The following LIPJ variants were observed in gnomAD, a reference collection of about 807,000 sequenced individuals.
LIPJ encodes lipase family member J, also known as lipase member J.
A neutral mutation model predicts 39.8 loss-of-function variants in LIPJ; 33 were observed. That is an observed-to-expected ratio of 0.83 (90% CI 0.63 to 1.11). The LOEUF (loss-of-function observed/expected upper bound fraction) is 1.11. LIPJ is among the 50% of genes least tolerant of loss of function. The pLI is 0.00. For missense variants in LIPJ, 422 were observed against 427.9 expected, an observed-to-expected ratio of 0.99 and a Z score of 0.12; for synonymous variants, 128 against 139.2, an observed-to-expected ratio of 0.92 and a Z score of 0.57.
At chr10:88,614,252 T>C in the LIPJ span, among the ~76,000 whole-genome samples, 1 of 152,030 alleles carries the variant, frequency 6.6e-6, no homozygotes, top group Admixed American at 6.6e-5. Context: ...CAAAAGAAAA[T>C]ATATATTTTA....
the LIPJ span, among the ~76,000 whole-genome samples, chr10:88,615,033 C>G: frequency 5.3e-5 from 8 of 152,032 alleles, no homozygotes; most frequent in Non-Finnish European, 1.0e-4. Flanking sequence ...AGGTGAAGTG[C>G]TGATCTTAAT....
intron 1 of LIPJ, 53 bp downstream of exon 1, chr10:88,586,898 T>C (rs1448120934): frequency 2.0e-5 from 3 of 152,194 alleles, no homozygotes; most frequent in African/African-American, 7.2e-5. Flanking sequence ...CATGTGTTCA[T>C]TGGCCGTGTA....
intron 8 of LIPJ, among the ~76,000 whole-genome samples, chr10:88,600,532 T>C (rs1003616370): frequency 6.6e-6 from 1 of 152,250 alleles, no homozygotes; most frequent in African/African-American, 2.4e-5. Flanking sequence ...AAATATTTTA[T>C]TTAGCATATT....
At chr10:88,617,982 A>T in the LIPJ span, among the ~76,000 whole-genome samples, 1 of 152,188 alleles carries the variant, frequency 6.6e-6, no homozygotes, top group East Asian at 1.9e-4. Context: ...TCCCTAGATG[A>T]TCTTACACTT....
At chr10:88,620,572 A>G in the LIPJ span, among the ~76,000 whole-genome samples, 1 of 152,196 alleles carries the variant, frequency 6.6e-6, no homozygotes, top group Non-Finnish European at 1.5e-5. Context: ...ATCATTAATC[A>G]TGTGGGGAAG....
At chr10:88,601,587 C>T (rs899893307) in intron 8 of LIPJ, among the ~76,000 whole-genome samples, 14 of 152,190 alleles carry the variant, frequency 9.2e-5, no homozygotes, top group African/African-American at 2.2e-4. Flanking sequence ...GGAAAATGTC[C>T]GCAGGATGAA....
chr10:88,596,634 A>G (rs1851263247), intron 7 of LIPJ, among the ~76,000 whole-genome samples, 156 bp from the exon 8 acceptor site: 1 of 151,722 alleles, frequency 6.6e-6, no homozygotes, highest in African/African-American at 2.4e-5. Flanking sequence ...TGGCCAAACC[A>G]TCTCCACACC....
chr10:88,593,719 G>C (rs1416361551), intron 4 of LIPJ: 2 of 396,896 alleles, frequency 5.0e-6, no homozygotes, highest in South Asian at 6.4e-5. Flanking sequence ...ATTTAAGTGT[G>C]ATGTGACCTA....
At chr10:88,606,818 T>A (rs1168040139) in exon 11 of LIPJ, 2 of 1,612,318 alleles carry the variant, frequency 1.2e-6, no homozygotes, top group Non-Finnish European at 1.7e-6. Context: ...AACTATTTCT[T>A]ACTACAATCA....
At chr10:88,594,798 C>A in intron 6 of LIPJ, 22 bp downstream of exon 6, 2 of 1,101,508 alleles carry the variant, frequency 1.8e-6, no homozygotes, top group Non-Finnish European at 1.3e-6. Context: ...AAGATTATTG[C>A]TAATATCCCT....
chr10:88,610,581 A>G (rs1480209641), downstream of LIPJ, among the ~76,000 whole-genome samples: 1 of 152,162 alleles, frequency 6.6e-6, no homozygotes, highest in Non-Finnish European at 1.5e-5. Flanking sequence ...TAAAATTACA[A>G]TTGCCAAAAC....
intron 7 of LIPJ, 124 bp from the exon 8 acceptor site, chr10:88,596,666 T>C (rs945875105): frequency 2.2e-5 from 22 of 1,022,530 alleles, no homozygotes; most frequent in Non-Finnish European, 3.2e-5. Flanking sequence ...TTTTTTCCTT[T>C]ATTTAAAATT....
At chr10:88,600,080 A>G (rs1851421612) in intron 8 of LIPJ, among the ~76,000 whole-genome samples, 1 of 152,040 alleles carries the variant, frequency 6.6e-6, no homozygotes, top group African/African-American at 2.4e-5. Context: ...TCTCTTAGAA[A>G]TTATAAAATG....
At chr10:88,605,528 A>T (rs1851633300) in intron 9 of LIPJ, 105 bp from the exon 10 acceptor site, 2 of 753,588 alleles carry the variant, frequency 2.7e-6, no homozygotes, top group Admixed American at 2.2e-5. Flanking sequence ...CATAAATACC[A>T]GCAGACCCAG....
At chr10:88,608,632 ATTAAGT>A, downstream of LIPJ, among the ~76,000 whole-genome samples, 1 of 152,362 alleles carries the variant, frequency 6.6e-6, no homozygotes, top group South Asian at 2.1e-4. Flanking sequence ...GCATTGGAGA[ATTAAGT>A]TTTCTGCATT....
the LIPJ span, among the ~76,000 whole-genome samples, chr10:88,614,077 A>G: frequency 1.3e-5 from 2 of 151,516 alleles, no homozygotes; most frequent in Non-Finnish European, 2.9e-5. Context: ...TTGGATCTTA[A>G]GCACAAAACT....
At chr10:88,602,227 C>T (rs1272823079) in intron 8 of LIPJ, among the ~76,000 whole-genome samples, 1 of 151,920 alleles carries the variant, frequency 6.6e-6, no homozygotes, top group African/African-American at 2.4e-5. Flanking sequence ...TATTTCTCTC[C>T]TCAATTTATT....
At chr10:88,616,468 C>T in the LIPJ span, among the ~76,000 whole-genome samples, 1 of 152,208 alleles carries the variant, frequency 6.6e-6, no homozygotes, top group Non-Finnish European at 1.5e-5. Context: ...GCTGTGCAAA[C>T]GCCAGGTCGA....
intron 4 of LIPJ, 119 bp from the exon 5 acceptor site, chr10:88,593,827 T>C (rs1187839033): frequency 2.4e-6 from 2 of 821,548 alleles, no homozygotes; most frequent in Admixed American, 5.7e-5. Flanking sequence ...ACCCCACTTA[T>C]GAAAACAATT....
Sources: allele counts gnomAD v4.1 joint callset (sites outside exome capture counted in the v4.1 genomes callset), GRCh38; gene constraint gnomAD v4.1.1; transcripts MANE v1.5; gene names NCBI Gene and HGNC (gene_info 2026-07-23, HGNC 2026-07-21).